TMEM117: variants seen among roughly 807,000 people sequenced by gnomAD.
The protein encoded by TMEM117 is transmembrane protein 117.
TMEM117 carries 27 observed loss-of-function variants against 52.4 expected under a neutral mutation model. That is an observed-to-expected ratio of 0.51 (90% CI 0.38 to 0.71). The LOEUF (loss-of-function observed/expected upper bound fraction) is 0.71, where lower values mean the gene tolerates loss of function less well. TMEM117 is among the 30% of genes least tolerant of loss of function. TMEM117 has a pLI of 0.00. For synonymous variants in TMEM117, 215 were observed against 206.3 expected (o/e 1.04, Z -0.36); for missense variants, 556 against 630.5 (o/e 0.88, Z 1.26).
chr12:43,953,826 C>A (rs1046600917), intron 3 of TMEM117, among the ~76,000 whole-genome samples: 2 of 152,014 alleles, frequency 1.3e-5, no homozygotes, highest in African/African-American at 4.8e-5. Flanking sequence ...ACAGAACTCT[C>A]CCCCCCAAAA....
At chr12:44,367,978 C>T (rs79248757) in intron 6 of TMEM117, among the ~76,000 whole-genome samples, 8 of 152,082 alleles carry the variant, frequency 5.3e-5, no homozygotes, top group Non-Finnish European at 4.4e-5. Context: ...ACCCCTCCTA[C>T]AGTCAGTTTA....
intron 3 of TMEM117, among the ~76,000 whole-genome samples, chr12:43,994,105 T>G (rs187841695): frequency 2.6e-5 from 4 of 152,314 alleles, no homozygotes; most frequent in Admixed American, 2.6e-4. Context: ...CCAACCTGAG[T>G]CCATGGAAGG....
chr12:44,083,116 A>T (rs1003635512), intron 3 of TMEM117, among the ~76,000 whole-genome samples: 1 of 151,956 alleles, frequency 6.6e-6, no homozygotes, highest in Admixed American at 6.6e-5. Flanking sequence ...TCCCAATTTT[A>T]TATGTGCTGC....
chr12:43,984,421 T>G (rs1300638092), intron 3 of TMEM117, among the ~76,000 whole-genome samples: 2 of 151,708 alleles, frequency 1.3e-5, no homozygotes, highest in African/African-American at 4.8e-5. Context: ...TATCATTAGT[T>G]TCCCAATCCT....
chr12:43,883,761 C>CAA (rs10718021), intron 2 of TMEM117, among the ~76,000 whole-genome samples: 13,799 of 140,428 alleles, frequency 0.098, 1,909 homozygotes, highest in African/African-American at 0.32. Context: ...GTATGAAAGA[C>CAA]AAAAAAAAAA....
rs1950817324 is a variant in TMEM117, at chr12:44,299,825, A to G, written c.768+86A>G. 2.7e-6 allele frequency: 4 copies of G among 1,486,086 alleles called. No individual in the cohort carries two copies. In the South Asian group the frequency reaches 3.8e-5, roughly 14 times the overall value. 92.1% of individuals were successfully genotyped at this position (1,486,086 alleles called of 1,614,324 possible). ...CAGGATATGGCAACAGGCTCCATAAATCTAAATAAGTACAGCATTTACAGT... is the reference window on the plus strand; with the variant it reads ...CAGGATATGGCAACAGGCTCCATAAGTCTAAATAAGTACAGCATTTACAGT... On this transcript the variant is annotated intron_variant, in intron 6 of 7. Coordinates refer to ENST00000266534, the MANE Select transcript of TMEM117 (RefSeq NM_032256.3).
intron 2 of TMEM117, among the ~76,000 whole-genome samples, chr12:43,886,577 G>T (rs548604042): frequency 1.1e-3 from 175 of 152,232 alleles, no homozygotes; most frequent in African/African-American, 4.0e-3. Flanking sequence ...TAATTTGAGG[G>T]GGACATAGGT....
intron 3 of TMEM117, among the ~76,000 whole-genome samples, chr12:44,036,842 G>A (rs1298173854): frequency 1.3e-5 from 2 of 151,972 alleles, no homozygotes; most frequent in African/African-American, 4.8e-5. Context: ...ATCAGCTGCA[G>A]GTCTGTTCTT....
At chr12:44,010,452 C>T (rs575695177) in intron 3 of TMEM117, among the ~76,000 whole-genome samples, 1 of 152,198 alleles carries the variant, frequency 6.6e-6, no homozygotes, top group East Asian at 1.9e-4. Context: ...TGGAAGGGGC[C>T]CTGGAAGACC....
At chr12:44,301,720 T>C (rs1950842141) in intron 6 of TMEM117, among the ~76,000 whole-genome samples, 1 of 152,182 alleles carries the variant, frequency 6.6e-6, no homozygotes, top group African/African-American at 2.4e-5. Flanking sequence ...CTTCTCTTTT[T>C]TTTTCTCTTA....
At chr12:44,006,479 C>A (rs1301686354) in intron 3 of TMEM117, among the ~76,000 whole-genome samples, 2 of 152,120 alleles carry the variant, frequency 1.3e-5, no homozygotes, top group Middle Eastern at 3.2e-3. Flanking sequence ...GAGGCCTGGG[C>A]TTGGTTTTTC....
chr12:43,848,925 A>T (rs1381398778), intron 2 of TMEM117, among the ~76,000 whole-genome samples: 2 of 152,114 alleles, frequency 1.3e-5, no homozygotes, highest in Non-Finnish European at 2.9e-5. Context: ...TTTGGATGAA[A>T]CTCAACAGCT....
chr12:44,249,679 G>A (rs566416161), intron 5 of TMEM117, among the ~76,000 whole-genome samples: 1 of 152,072 alleles, frequency 6.6e-6, no homozygotes, highest in Non-Finnish European at 1.5e-5. Context: ...GACCTCAGAA[G>A]TAACACTACA....
intron 3 of TMEM117, among the ~76,000 whole-genome samples, chr12:44,047,028 G>A (rs1253864894): frequency 6.6e-6 from 1 of 152,102 alleles, no homozygotes. Context: ...TTAATACTGA[G>A]TATCAACTTG....
chr12:44,385,161 C>T (rs1184596367), intron 7 of TMEM117, among the ~76,000 whole-genome samples: 1 of 152,114 alleles, frequency 6.6e-6, no homozygotes, highest in Admixed American at 6.5e-5. Context: ...CATTTCCAGC[C>T]TGCAGCTTTG....
chr12:43,922,428 G>T (rs1944710536), intron 2 of TMEM117, among the ~76,000 whole-genome samples: 1 of 152,080 alleles, frequency 6.6e-6, no homozygotes, highest in South Asian at 2.1e-4. Context: ...CCTTATTTGT[G>T]CTTTTGGTTT....
chr12:44,374,443 C>T (rs542359830), intron 6 of TMEM117, among the ~76,000 whole-genome samples: 1 of 152,030 alleles, frequency 6.6e-6, no homozygotes, highest in African/African-American at 2.4e-5. Flanking sequence ...ACACTTCACA[C>T]CCCCAGGCCC....
chr12:44,184,448 G>A (rs1017374074), intron 4 of TMEM117, among the ~76,000 whole-genome samples: 1 of 152,176 alleles, frequency 6.6e-6, no homozygotes, highest in African/African-American at 2.4e-5. Context: ...AGGCAGAAGA[G>A]TTAGGGAGAT....
intron 5 of TMEM117, among the ~76,000 whole-genome samples, chr12:44,244,998 A>G (rs1042383946): frequency 2.0e-5 from 3 of 152,022 alleles, no homozygotes; most frequent in Non-Finnish European, 4.4e-5. Flanking sequence ...TCAATTGACT[A>G]TAAATTGGTT....
Sources: gnomAD v4.1 joint callset for allele counts (sites outside exome capture counted in the v4.1 genomes callset) on GRCh38, gnomAD v4.1.1 for gene constraint, MANE v1.5 for transcripts, NCBI Gene and HGNC (gene_info 2026-07-23, HGNC 2026-07-21) for gene names.